Variants in GXYLT1 observed in about 807,000 individuals in gnomAD.
The protein encoded by GXYLT1 is glucoside xylosyltransferase 1, also known as glycosyltransferase 8 domain containing 3.
A neutral mutation model predicts 54.0 loss-of-function variants in GXYLT1; 29 were observed. That is an observed-to-expected ratio of 0.54 (90% CI 0.40 to 0.73). The LOEUF is 0.73. Ranked by LOEUF, GXYLT1 falls within the 30% of genes least tolerant of loss-of-function variation. GXYLT1 has a pLI of 0.00. For missense variants in GXYLT1, 490 were observed against 553.4 expected (o/e 0.89, Z 1.15); for synonymous variants, 176 against 204.1 (o/e 0.86, Z 1.17).
intron 3 of GXYLT1, among the ~76,000 whole-genome samples, chr12:42,116,596 T>C (rs1376197522): frequency 7.9e-5 from 12 of 152,158 alleles, no homozygotes; most frequent in Admixed American, 7.9e-4. Flanking sequence ...TCACACCAGT[T>C]AGAATGGCAA....
At chr12:42,134,694 C>G (rs1212775603) in intron 1 of GXYLT1, among the ~76,000 whole-genome samples, 1 of 152,210 alleles carries the variant, frequency 6.6e-6, no homozygotes, top group African/African-American at 2.4e-5. Flanking sequence ...TTTCACCGTA[C>G]CTTTTCAGCA....
chr12:42,141,326 G>A (rs1176062100), intron 1 of GXYLT1, among the ~76,000 whole-genome samples: 1 of 152,194 alleles, frequency 6.6e-6, no homozygotes, highest in African/African-American at 2.4e-5. Flanking sequence ...GGTCCTTTGA[G>A]CTGCCCTGCT....
At chr12:42,129,950 T>A in intron 1 of GXYLT1, 99 bp from the exon 2 acceptor site, 1 of 692,742 alleles carries the variant, frequency 1.4e-6, no homozygotes, top group Non-Finnish European at 2.5e-6. Flanking sequence ...TGTTCTATTT[T>A]AAAGCAAATA....
intron 5 of GXYLT1, among the ~76,000 whole-genome samples, chr12:42,101,230 C>A (rs2065388125): frequency 6.6e-6 from 1 of 151,910 alleles, no homozygotes; most frequent in Non-Finnish European, 1.5e-5. Flanking sequence ...AAAGAGAAAA[C>A]CAAGAAGTGG....
chr12:42,112,546 T>C (rs1406986156), intron 3 of GXYLT1, among the ~76,000 whole-genome samples: 1 of 152,072 alleles, frequency 6.6e-6, no homozygotes, highest in Non-Finnish European at 1.5e-5. Context: ...GTATCAGTGA[T>C]GGAAGACGAA....
intron 7 of GXYLT1, among the ~76,000 whole-genome samples, chr12:42,094,708 CTGAA>C (rs1565565686): frequency 6.6e-6 from 1 of 151,304 alleles, no homozygotes; most frequent in Non-Finnish European, 1.5e-5. Context: ...ATTATACAAA[CTGAA>C]TGGCATCAAA....
chr12:42,135,160 T>C (rs1335220277), intron 1 of GXYLT1, among the ~76,000 whole-genome samples: 1 of 152,214 alleles, frequency 6.6e-6, no homozygotes, highest in Non-Finnish European at 1.5e-5. Context: ...AAGCTTCAAA[T>C]GGGACTGTGT....
intron 7 of GXYLT1, among the ~76,000 whole-genome samples, chr12:42,095,263 G>C (rs936517776): frequency 2.6e-5 from 4 of 151,998 alleles, no homozygotes; most frequent in Non-Finnish European, 5.9e-5. Context: ...CCCACTTCTA[G>C]GAATTTACCA....
intron 2 of GXYLT1, among the ~76,000 whole-genome samples, chr12:42,119,745 C>A (rs1181264522): frequency 6.6e-6 from 1 of 152,140 alleles, no homozygotes; most frequent in African/African-American, 2.4e-5. Context: ...AAGATAGAAG[C>A]TGCAGTGAGC....
chr12:42,116,091 A>G (rs1467348334), intron 3 of GXYLT1, among the ~76,000 whole-genome samples: 2 of 152,094 alleles, frequency 1.3e-5, no homozygotes, highest in Non-Finnish European at 2.9e-5. Flanking sequence ...AGAAAGCTGA[A>G]ACTGGATCCC....
intron 7 of GXYLT1, among the ~76,000 whole-genome samples, chr12:42,092,183 T>C (rs2065332752): frequency 6.6e-6 from 1 of 152,212 alleles, no homozygotes; most frequent in Non-Finnish European, 1.5e-5. Flanking sequence ...GACCAGAGGA[T>C]TTCAGTCACT....
intron 5 of GXYLT1, among the ~76,000 whole-genome samples, chr12:42,099,293 C>T (rs1414456188): frequency 6.6e-6 from 1 of 152,156 alleles, no homozygotes; most frequent in South Asian, 2.1e-4. Context: ...TGAGAAAGAA[C>T]CCCTGGAGTC....
In GXYLT1 at chr12:42,098,124, T is replaced by C. The variant is rs530009976; in HGVS notation, c.865-91A>G. On this transcript the variant is annotated intron_variant, in intron 5 of 7. Transcript: ENST00000398675. ...TCCTCATTCTTCCCACAGCAACCAT[T>C]ACAAATCCACAAAGAGAAATGCAAA... 1.0e-4 allele frequency: 121 copies of C among 1,208,950 alleles called. 1 individual carries two copies. The South Asian group carries it at 1.4e-3, about 14-fold the overall frequency. 74.9% of individuals were successfully genotyped at this position (1,208,950 alleles called of 1,614,324 possible).
intron 3 of GXYLT1, among the ~76,000 whole-genome samples, chr12:42,114,719 C>A (rs895270726): frequency 1.3e-5 from 2 of 152,176 alleles, no homozygotes; most frequent in Non-Finnish European, 1.5e-5. Flanking sequence ...GAGCTGGTAC[C>A]ATTCCTTCTG....
chr12:42,117,650 T>C (rs1223557449), intron 3 of GXYLT1, among the ~76,000 whole-genome samples: 2 of 152,194 alleles, frequency 1.3e-5, no homozygotes, highest in African/African-American at 2.4e-5. Context: ...AGAGAAAATA[T>C]GAATGATCAT....
chr12:42,089,433 A>G lies in GXYLT1; in HGVS notation c.1162-1486T>C, dbSNP rs528662135. 9.2e-5 allele frequency among the ~76,000 whole-genome samples: 14 copies of G among 152,192 alleles called. No homozygotes were observed. The South Asian group carries it at 2.3e-3, about 25-fold the overall frequency. ...GCACACCAACATGGCACATGTATACATATGTAACAAACCTGCACGTTGTGC... is the reference window on the plus strand; with the variant it reads ...GCACACCAACATGGCACATGTATACGTATGTAACAAACCTGCACGTTGTGC... On this transcript the variant is annotated intron_variant, in intron 7 of 7. Coordinates refer to ENST00000398675, the MANE Select transcript of GXYLT1 (RefSeq NM_173601.2).
At chr12:42,115,259 T>C (rs530320620) in intron 3 of GXYLT1, among the ~76,000 whole-genome samples, 392 of 152,234 alleles carry the variant, frequency 2.6e-3, no homozygotes, top group African/African-American at 8.7e-3. Context: ...CTATTCAACA[T>C]AGTGTTGGAA....
chr12:42,095,911 G>A (rs2065353226), intron 7 of GXYLT1, among the ~76,000 whole-genome samples: 1 of 152,146 alleles, frequency 6.6e-6, no homozygotes, highest in African/African-American at 2.4e-5. Context: ...GCAGGGGAGA[G>A]GAAGAGGAAG....
intron 1 of GXYLT1, among the ~76,000 whole-genome samples, chr12:42,135,278 G>T (rs2065613434): frequency 1.3e-5 from 2 of 152,200 alleles, no homozygotes; most frequent in Admixed American, 1.3e-4. Context: ...ATCAAGCAAA[G>T]TCATAGCCAT....
Sources: allele counts gnomAD v4.1 joint callset (sites outside exome capture counted in the v4.1 genomes callset), GRCh38; gene constraint gnomAD v4.1.1; transcripts MANE v1.5; gene names NCBI Gene and HGNC (gene_info 2026-07-23, HGNC 2026-07-21).